Variants in ELAPOR1 observed in about 807,000 individuals in gnomAD.
ELAPOR1 encodes endosome-lysosome associated apoptosis and autophagy regulator 1.
ELAPOR1 carries 77 observed loss-of-function variants against 119.7 expected under a neutral mutation model. That is an observed-to-expected ratio of 0.64 (90% CI 0.54 to 0.78). The LOEUF (loss-of-function observed/expected upper bound fraction) is 0.78. Ranked by LOEUF, ELAPOR1 falls within the 30% of genes least tolerant of loss-of-function variation. The pLI is 0.00. For synonymous variants in ELAPOR1, 481 were observed against 487.2 expected (o/e 0.99, Z 0.17); for missense variants, 1,115 against 1,270.4 (o/e 0.88, Z 1.86).
chr1:109,137,058 G>GT (rs1251957581), intron 1 of ELAPOR1, among the ~76,000 whole-genome samples: 12 of 152,130 alleles, frequency 7.9e-5, no homozygotes, highest in African/African-American at 2.9e-4. Context: ...AGGGGTGAAG[G>GT]GGACCAGGCA....
At chr1:109,159,022 T>A (rs1156626701) in intron 1 of ELAPOR1, among the ~76,000 whole-genome samples, 1 of 151,826 alleles carries the variant, frequency 6.6e-6, no homozygotes, top group Non-Finnish European at 1.5e-5. Context: ...CTCAGCCTCC[T>A]GAGTAGCTGG....
intron 1 of ELAPOR1, among the ~76,000 whole-genome samples, chr1:109,132,558 T>C (rs1202586350): frequency 1.3e-5 from 2 of 152,166 alleles, no homozygotes; most frequent in Non-Finnish European, 2.9e-5. Flanking sequence ...AGGTACATGG[T>C]GCAATGAGAG....
intron 1 of ELAPOR1, among the ~76,000 whole-genome samples, chr1:109,153,634 T>TTTTG (rs949952558): frequency 2.0e-5 from 3 of 151,828 alleles, no homozygotes; most frequent in African/African-American, 7.3e-5. Context: ...TTTTGTTTTG[T>TTTTG]TTTGTTTTGT....
At chr1:109,137,748 A>G (rs1182894624) in intron 1 of ELAPOR1, among the ~76,000 whole-genome samples, 2 of 139,156 alleles carry the variant, frequency 1.4e-5, no homozygotes, top group Non-Finnish European at 3.1e-5. Flanking sequence ...TGCTGATCTC[A>G]AACTCCCGAC....
At chr1:109,146,347 A>G (rs140048052) in intron 1 of ELAPOR1, among the ~76,000 whole-genome samples, 60 of 151,938 alleles carry the variant, frequency 3.9e-4, no homozygotes, top group African/African-American at 1.2e-3. Context: ...ACAAATCTCG[A>G]TTCAAAAATT....
intron 15 of ELAPOR1, among the ~76,000 whole-genome samples, chr1:109,196,307 A>G (rs189574522): frequency 1.3e-3 from 195 of 152,334 alleles, no homozygotes; most frequent in Non-Finnish European, 2.4e-3. Context: ...CAAGAAATAA[A>G]CTAATCTATG....
At chr1:109,152,666 C>T (rs921583096) in intron 1 of ELAPOR1, among the ~76,000 whole-genome samples, 12 of 151,806 alleles carry the variant, frequency 7.9e-5, no homozygotes, top group South Asian at 2.1e-4. Flanking sequence ...ACCATGAGGC[C>T]GGCATGGTGG....
chr1:109,170,291 G>A (rs1199179488), intron 3 of ELAPOR1, among the ~76,000 whole-genome samples: 1 of 152,158 alleles, frequency 6.6e-6, no homozygotes, highest in Non-Finnish European at 1.5e-5. Context: ...AGAGGCTTCT[G>A]CTGTGTTGAA....
chr1:109,129,735 C>T (rs1649030602), intron 1 of ELAPOR1, among the ~76,000 whole-genome samples: 1 of 152,198 alleles, frequency 6.6e-6, no homozygotes, highest in Admixed American at 6.5e-5. Flanking sequence ...AGGCAAACTG[C>T]TGAATCTCAG....
chr1:109,138,834 C>CAAAAAAAAAAAAAAAAAAAAA lies in ELAPOR1; in HGVS notation c.154-23043_154-23042insAAAAAAAAAAAAAAAAAAAAA, dbSNP rs150398954. On this transcript the variant is annotated intron_variant, in intron 1 of 21. Transcript: ENST00000369939. The stretch of plus-strand genomic sequence containing the variant: ...GGGCAACAAGAGTGAAACTCCATCT[C>CAAAAAAAAAAAAAAAAAAAAA]AAAAAAAAAAAAAAAAAGAATCTTC... Among the ~76,000 whole-genome samples the CAAAAAAAAAAAAAAAAAAAAA allele has an allele frequency of 5.3e-4, 57 of 107,274 alleles. 1 individual carries two copies. The highest frequency in any genetic ancestry group is 6.9e-4 in the South Asian group (2 of 2,900). 70.4% of individuals were successfully genotyped at this position (107,274 alleles called of 152,430 possible). A position where few individuals can be genotyped will look rare whatever the true frequency, so the allele number is the denominator to read the frequency against.
At chr1:109,198,796 C>A in intron 18 of ELAPOR1, 122 bp downstream of exon 18, 3 of 784,424 alleles carry the variant, frequency 3.8e-6, no homozygotes, top group Non-Finnish European at 6.2e-6. Flanking sequence ...TTAATGGGTG[C>A]TTAGGGGCAC....
Position 109,197,547 on chromosome 1 carries a change from A to C in ELAPOR1, c.2195A>C (p.Lys732Thr). The change falls in exon 16 of 22, where the codon AAA becomes ACA. Residue 732 changes from lysine to threonine, a missense_variant. Transcript: ENST00000369939. ...CCTGAGGGTGAGTCAGGGTTCTCCA[A>C]ATCTATCACAGCCTACGTCTGCCAG... ...RIPEGESGFS[K>T]SITAYVCQAV... The C allele has an allele frequency of 6.2e-7, 1 of 1,614,122 alleles. No individual in the cohort carries two copies. Among genetic ancestry groups the C allele is most frequent in the Non-Finnish European group, 8.5e-7 (1 of 1,180,018 alleles).
intron 15 of ELAPOR1, 26 bp from the exon 16 acceptor site, chr1:109,197,448 C>G (rs1458864863): frequency 6.2e-7 from 1 of 1,606,868 alleles, no homozygotes; most frequent in Non-Finnish European, 8.5e-7. Context: ...CTTCTTCCTA[C>G]TTCTTCCTCC....
rs1477989446 is a variant in ELAPOR1, at chr1:109,206,234, CA to C, written c.*3225del. 1 of 152,150 alleles carries C rather than the reference CA, an allele frequency of 6.6e-6. No homozygotes were observed. The highest frequency in any genetic ancestry group is 1.5e-5 in the Non-Finnish European group (1 of 68,062). 9.4% of individuals were successfully genotyped at this position (152,150 alleles called of 1,614,324 possible). ...TTCACCATGTTGGCCAGGCTGGTCTCAAACTCCTGGACTCAAGTGATCCACC... is the reference window on the plus strand; with the variant it reads ...TTCACCATGTTGGCCAGGCTGGTCTCAACTCCTGGACTCAAGTGATCCACC... On this transcript the variant is annotated 3_prime_UTR_variant, in exon 22 of 22. Transcript: ENST00000369939.
At chr1:109,116,141 G>A (rs1162964754) in intron 1 of ELAPOR1, among the ~76,000 whole-genome samples, 2 of 152,188 alleles carry the variant, frequency 1.3e-5, no homozygotes, top group East Asian at 1.9e-4. Context: ...TTGAGAACTC[G>A]AACTTGTGTA....
At chr1:109,122,174 A>G (rs1354250680) in intron 1 of ELAPOR1, among the ~76,000 whole-genome samples, 2 of 150,546 alleles carry the variant, frequency 1.3e-5, no homozygotes, top group Non-Finnish European at 3.0e-5. Flanking sequence ...GGTTCAAGCG[A>G]TTCCCATGCC....
intron 11 of ELAPOR1, among the ~76,000 whole-genome samples, chr1:109,190,104 C>A (rs60503169): frequency 0.014 from 2,176 of 152,246 alleles, 43 homozygotes; most frequent in African/African-American, 0.043. Flanking sequence ...TAGGGCAACA[C>A]GAAATTTGTT....
In ELAPOR1 at chr1:109,155,774, A is replaced by G. The variant is rs538710365; in HGVS notation, c.154-6120A>G. 1.6e-4 allele frequency among the ~76,000 whole-genome samples: 24 copies of G among 152,308 alleles called. 1 individual carries two copies. The highest frequency in any genetic ancestry group is 1.3e-3 in the Admixed American group (20 of 15,296). On this transcript the variant is annotated intron_variant, in intron 1 of 21. Coordinates refer to ENST00000369939, the MANE Select transcript of ELAPOR1 (RefSeq NM_020775.5). Reference sequence around the variant, plus strand: ...GGGTATGTCCAGTGACACTGCTACAATGTGCACTCTGCCTGCTGCCTTCCA... The same window carrying G: ...GGGTATGTCCAGTGACACTGCTACAGTGTGCACTCTGCCTGCTGCCTTCCA...
Position 109,182,756 on chromosome 1 carries a change from A to G in ELAPOR1, c.953-2289A>G, listed in dbSNP as rs550660698. 2.2e-4 allele frequency among the ~76,000 whole-genome samples: 33 copies of G among 151,772 alleles called. No individual in the cohort carries two copies. In the East Asian group the frequency reaches 6.2e-3, roughly 29 times the overall value. ...GTGGCGGGCGCCTGTAGTCCCAGCT[A>G]CTTGGAAGGCTGAGGCAGGAGAATG... On this transcript the variant is annotated intron_variant, in intron 7 of 21. Coordinates refer to ENST00000369939, the MANE Select transcript of ELAPOR1 (RefSeq NM_020775.5).
Sources: gnomAD v4.1 joint callset for allele counts (sites outside exome capture counted in the v4.1 genomes callset) on GRCh38, gnomAD v4.1.1 for gene constraint, MANE v1.5 for transcripts, NCBI Gene and HGNC (gene_info 2026-07-23, HGNC 2026-07-21) for gene names.